GPC6: variants seen among roughly 807,000 people sequenced by gnomAD.
GPC6 encodes the protein glypican 6, also known as glypican-6.
A neutral mutation model predicts 55.2 loss-of-function variants in GPC6; 14 were observed. The observed-to-expected ratio is 0.25, with a 90% CI of 0.17 to 0.40. The LOEUF (loss-of-function observed/expected upper bound fraction) is 0.40. GPC6 is among the 10% of genes least tolerant of loss of function. The probability of loss-of-function intolerance (pLI) is 1.00; values close to 1 mark genes in which losing one functional copy is unlikely to be tolerated. For synonymous variants in GPC6, 278 were observed against 259.6 expected (o/e 1.07, Z -0.68); for missense variants, 641 against 708.5 (o/e 0.90, Z 1.08).
Position 94,088,552 on chromosome 13 carries a change from AAGG to A in GPC6, c.877+60659_877+60661del, listed in dbSNP as rs1885367131. ...TTAAAAAGAAAAAGAGAGGGAAGGG[AAGG>A]GAAGGGCAGGGGAGGGGAAGGGAGG... On this transcript the variant is annotated intron_variant, in intron 4 of 8. Coordinates refer to ENST00000377047, the MANE Select transcript of GPC6 (RefSeq NM_005708.5). 4.9e-5 allele frequency among the ~76,000 whole-genome samples: 4 copies of A among 81,644 alleles called. No individual in the cohort carries two copies. The South Asian group carries it at 2.7e-3, about 55-fold the overall frequency. 53.6% of individuals were successfully genotyped at this position (81,644 alleles called of 152,430 possible). A position where few individuals can be genotyped will look rare whatever the true frequency, so the allele number is the denominator to read the frequency against.
In GPC6 at chr13:93,562,531, G is replaced by A. The variant is rs75915927; in HGVS notation, c.319+17110G>A. 2.3e-3 allele frequency among the ~76,000 whole-genome samples: 349 copies of A among 152,140 alleles called. 2 individuals are homozygous for A. Among genetic ancestry groups the A allele is most frequent in the Admixed American group, 8.2e-3 (125 of 15,284 alleles). ...AAATTCTACCATGGAGAGTTATTGT[G>A]AATTAAATGAGATAATATACATAAA... On this transcript the variant is annotated intron_variant, in intron 2 of 8. Transcript: ENST00000377047.
chr13:93,367,687 C>T lies in GPC6; in HGVS notation c.160+140071C>T, dbSNP rs191540943. 9.2e-5 allele frequency among the ~76,000 whole-genome samples: 14 copies of T among 152,136 alleles called. No homozygotes were observed. In the East Asian group the frequency reaches 1.9e-3, roughly 21 times the overall value. On this transcript the variant is annotated intron_variant, in intron 1 of 8. Transcript: ENST00000377047. ...CTCTTGCAACTAACTGCCTCTTTGA[C>T]CCATAGATTATTTAATAGTGTGTTG...
At chr13:93,779,296 T>G (rs1016437230) in intron 2 of GPC6, among the ~76,000 whole-genome samples, 6 of 152,214 alleles carry the variant, frequency 3.9e-5, no homozygotes, top group Admixed American at 3.3e-4. Flanking sequence ...TAATTACTAT[T>G]TTTTGTATAA....
chr13:94,378,979 T>G (rs970048930), intron 6 of GPC6, among the ~76,000 whole-genome samples: 1 of 152,132 alleles, frequency 6.6e-6, no homozygotes, highest in Admixed American at 6.5e-5. Context: ...TCATTGTCAG[T>G]AATATATTTG....
chr13:93,738,564 A>G (rs1212128158), intron 2 of GPC6, among the ~76,000 whole-genome samples: 2 of 152,148 alleles, frequency 1.3e-5, no homozygotes, highest in African/African-American at 4.8e-5. Context: ...GATTGTCAGC[A>G]TTTTCCCATT....
chr13:93,719,596 C>T (rs899913563), intron 2 of GPC6, among the ~76,000 whole-genome samples: 4 of 151,916 alleles, frequency 2.6e-5, no homozygotes, highest in Non-Finnish European at 5.9e-5. Context: ...GCCTGATTGC[C>T]CTGGCCAGAA....
chr13:93,821,743 C>T (rs1287721218), intron 2 of GPC6, among the ~76,000 whole-genome samples: 1 of 152,148 alleles, frequency 6.6e-6, no homozygotes, highest in Non-Finnish European at 1.5e-5. Context: ...CTCAGTTTCT[C>T]TAACTTGTCT....
intron 3 of GPC6, among the ~76,000 whole-genome samples, chr13:93,946,602 T>C (rs961612994): frequency 3.3e-5 from 5 of 152,206 alleles, no homozygotes; most frequent in African/African-American, 1.2e-4. Context: ...TGCCTCAGTC[T>C]TCTGGGTTTT....
At chr13:93,986,838 G>GC (rs1437665331) in intron 3 of GPC6, among the ~76,000 whole-genome samples, 1 of 151,948 alleles carries the variant, frequency 6.6e-6, no homozygotes, top group Non-Finnish European at 1.5e-5. Context: ...ATGCTATTTT[G>GC]CAAGTCAACT....
At chr13:94,073,132 A>G (rs970727970) in intron 4 of GPC6, among the ~76,000 whole-genome samples, 1 of 152,178 alleles carries the variant, frequency 6.6e-6, no homozygotes, top group Admixed American at 6.6e-5. Context: ...CCTCCTTGAC[A>G]TCTGCATTGA....
At chr13:93,906,321 G>A (rs1297707536) in intron 3 of GPC6, among the ~76,000 whole-genome samples, 1 of 152,014 alleles carries the variant, frequency 6.6e-6, no homozygotes, top group African/African-American at 2.4e-5. Context: ...AAACCTTCCA[G>A]TCCCAATTCC....
At chr13:93,451,429 ATAATG>A (rs1878219297) in intron 1 of GPC6, among the ~76,000 whole-genome samples, 1 of 152,232 alleles carries the variant, frequency 6.6e-6, no homozygotes, top group African/African-American at 2.4e-5. Context: ...CCACAAGTTA[ATAATG>A]GCTTTTACGT....
intron 2 of GPC6, among the ~76,000 whole-genome samples, chr13:93,668,604 C>A (rs564926298): frequency 6.6e-6 from 1 of 152,062 alleles, no homozygotes; most frequent in Non-Finnish European, 1.5e-5. Flanking sequence ...AGAAGCCATG[C>A]GAAAGGAGAC....
At chr13:93,945,132 AC>A (rs750333109) in intron 3 of GPC6, among the ~76,000 whole-genome samples, 3 of 152,134 alleles carry the variant, frequency 2.0e-5, no homozygotes, top group Non-Finnish European at 2.9e-5. Flanking sequence ...TTAGCAACCA[AC>A]CCTTTGAAAA....
At chr13:93,395,076 CA>C (rs565336888) in intron 1 of GPC6, 5 of 263,842 alleles carry the variant, frequency 1.9e-5, no homozygotes, top group East Asian at 9.4e-5. Flanking sequence ...TTGTAATTGC[CA>C]AAATCATTGC....
At position 93,282,409 on chromosome 13, in the gene GPC6, T is replaced by C. The variant is rs186402241; in HGVS notation, c.160+54793T>C. ...CATCCTCTCTTCCCAGATTCTGAAT[T>C]CCCTACCCCGCCCCCAGTATGATTT... On this transcript the variant is annotated intron_variant, in intron 1 of 8. Transcript: ENST00000377047. 8.1e-3 allele frequency among the ~76,000 whole-genome samples: 1,234 copies of C among 152,168 alleles called. 13 individuals are homozygous for C. Among genetic ancestry groups the C allele is most frequent in the African/African-American group, 0.028 (1,150 of 41,514 alleles).
intron 1 of GPC6, among the ~76,000 whole-genome samples, chr13:93,260,519 G>A (rs553694080): frequency 3.1e-4 from 47 of 152,076 alleles, no homozygotes; most frequent in Middle Eastern, 6.8e-3. Context: ...CCGCCTCTTA[G>A]GTGAATGTCT....
At chr13:93,774,646 G>A (rs185035837) in intron 2 of GPC6, among the ~76,000 whole-genome samples, 1 of 152,222 alleles carries the variant, frequency 6.6e-6, no homozygotes, top group East Asian at 1.9e-4. Context: ...AATTAAATAA[G>A]TTAACACAAA....
At chr13:93,774,424 TA>T (rs1432701734) in intron 2 of GPC6, among the ~76,000 whole-genome samples, 1 of 152,202 alleles carries the variant, frequency 6.6e-6, no homozygotes, top group Non-Finnish European at 1.5e-5. Context: ...CTTATATTTT[TA>T]ACTTGATCAG....
Sources: allele counts gnomAD v4.1 joint callset (sites outside exome capture counted in the v4.1 genomes callset), GRCh38; gene constraint gnomAD v4.1.1; transcripts MANE v1.5; gene names NCBI Gene and HGNC (gene_info 2026-07-23, HGNC 2026-07-21).